The following TNIK variants were observed in gnomAD, a reference collection of about 807,000 sequenced individuals.
TNIK encodes the protein TRAF2 and NCK interacting kinase, also known as TRAF2 and NCK-interacting protein kinase.
In TNIK, 49 loss-of-function variants were observed where a neutral mutation model predicts 191.3. The ratio of observed to expected loss-of-function variants is 0.26; its 90% confidence interval spans 0.20 to 0.32. The LOEUF is 0.32. TNIK is among the 10% of genes least tolerant of loss of function. TNIK has a pLI of 1.00. For missense variants in TNIK, 1,155 were observed against 1,702.3 expected (o/e 0.68, Z 5.66); for synonymous variants, 594 against 600.9 (o/e 0.99, Z 0.17).
In TNIK at chr3:171,063,855, G is replaced by A. The variant is rs1718090935; in HGVS notation, c.*26C>T. 1.2e-6 allele frequency: 2 copies of A among 1,607,110 alleles called. No homozygotes were observed. Among genetic ancestry groups the A allele is most frequent in the Non-Finnish European group, 1.7e-6 (2 of 1,175,908 alleles). Reference sequence around the variant, plus strand: ...TCTTTTAAATTAGAAATAACGCCATGAAGATAAGTGCCAAGTGCTCTTCTG... The same window carrying A: ...TCTTTTAAATTAGAAATAACGCCATAAAGATAAGTGCCAAGTGCTCTTCTG... On this transcript the variant is annotated 3_prime_UTR_variant, in exon 33 of 33. Coordinates refer to ENST00000436636, the MANE Select transcript of TNIK (RefSeq NM_015028.4).
intron 16 of TNIK, among the ~76,000 whole-genome samples, chr3:171,128,326 G>A (rs896086926): frequency 2.6e-5 from 4 of 152,218 alleles, no homozygotes; most frequent in East Asian, 1.9e-4. Context: ...TCAGTTTCAG[G>A]CTCATGCCAA....
At chr3:171,136,750 G>T (rs1376147993) in intron 15 of TNIK, among the ~76,000 whole-genome samples, 1 of 152,220 alleles carries the variant, frequency 6.6e-6, no homozygotes, top group Non-Finnish European at 1.5e-5. Flanking sequence ...AGTAGAGGAA[G>T]GTGGTGCATG....
At chr3:171,239,952 T>A (rs1457190163) in intron 2 of TNIK, among the ~76,000 whole-genome samples, 2 of 152,118 alleles carry the variant, frequency 1.3e-5, no homozygotes, top group African/African-American at 4.8e-5. Flanking sequence ...GATGACACAC[T>A]GAGAAAGAAC....
chr3:171,312,272 C>G (rs867744201), intron 2 of TNIK, among the ~76,000 whole-genome samples: 4 of 151,686 alleles, frequency 2.6e-5, no homozygotes, highest in Non-Finnish European at 4.4e-5. Flanking sequence ...GTGAGATGAT[C>G]CATTTGCGAG....
intron 2 of TNIK, among the ~76,000 whole-genome samples, chr3:171,348,443 A>C (rs1431347460): frequency 1.3e-5 from 2 of 152,122 alleles, no homozygotes; most frequent in Non-Finnish European, 2.9e-5. Context: ...GATCTCTTGA[A>C]GAGGATGGGG....
At chr3:171,163,841 A>G (rs1367236630) in intron 10 of TNIK, among the ~76,000 whole-genome samples, 2 of 150,158 alleles carry the variant, frequency 1.3e-5, no homozygotes, top group Admixed American at 6.6e-5. Flanking sequence ...CTGCTTTTAT[A>G]TTACTGGGTT....
rs1745124487 is a variant in TNIK, at chr3:171,242,624, C to T, written c.124-14403G>A. On this transcript the variant is annotated intron_variant, in intron 2 of 32. Transcript: ENST00000436636. The stretch of plus-strand genomic sequence containing the variant: ...GGACATTAAGAAAATAAAATTGGCG[C>T]TCATATAAGCAAAATAACTGAATTG... 2.0e-5 allele frequency among the ~76,000 whole-genome samples: 3 copies of T among 151,940 alleles called. No homozygotes were observed. The South Asian group carries it at 6.2e-4, about 31-fold the overall frequency.
intron 15 of TNIK, among the ~76,000 whole-genome samples, chr3:171,137,171 G>C (rs1730143306): frequency 1.6e-5 from 2 of 124,324 alleles, no homozygotes; most frequent in African/African-American, 6.4e-5. Flanking sequence ...TTAACATTAG[G>C]ACAACATTAT....
chr3:171,187,892 C>G (rs1018212807), intron 7 of TNIK, among the ~76,000 whole-genome samples: 3 of 152,192 alleles, frequency 2.0e-5, no homozygotes, highest in Non-Finnish European at 2.9e-5. Flanking sequence ...CACAGGGTGT[C>G]TCTCTACCTA....
chr3:171,239,042 A>G (rs981182542), intron 2 of TNIK, among the ~76,000 whole-genome samples: 2 of 152,188 alleles, frequency 1.3e-5, no homozygotes, highest in East Asian at 1.9e-4. Flanking sequence ...GACTAAATGG[A>G]ATTTGGTTTA....
chr3:171,247,876 T>C (rs551961115), intron 2 of TNIK, among the ~76,000 whole-genome samples: 71 of 149,106 alleles, frequency 4.8e-4, no homozygotes, highest in African/African-American at 1.3e-3. Context: ...TCAGTTTGTA[T>C]AGAGTGAAGG....
intron 1 of TNIK, among the ~76,000 whole-genome samples, chr3:171,426,972 G>A (rs925511748): frequency 8.5e-5 from 13 of 152,164 alleles, no homozygotes; most frequent in African/African-American, 3.1e-4. Context: ...CAAGATAAGT[G>A]GAAGTGCCCA....
chr3:171,423,864 G>T (rs560371564), intron 1 of TNIK, among the ~76,000 whole-genome samples: 20 of 152,116 alleles, frequency 1.3e-4, no homozygotes, highest in South Asian at 4.2e-4. Flanking sequence ...ATGTTAGACC[G>T]AAAACCATAA....
chr3:171,458,880 T>C (rs929610137), intron 1 of TNIK, among the ~76,000 whole-genome samples: 3 of 152,072 alleles, frequency 2.0e-5, no homozygotes, highest in Admixed American at 6.5e-5. Context: ...CTTAAATTGG[T>C]GTCCAATCCT....
chr3:171,246,326 A>G (rs925663524), intron 2 of TNIK, among the ~76,000 whole-genome samples: 3 of 152,216 alleles, frequency 2.0e-5, no homozygotes, highest in Non-Finnish European at 4.4e-5. Flanking sequence ...CTTCAAAACA[A>G]AACAGATTCT....
At position 171,130,549 on chromosome 3, in the gene TNIK, C is replaced by A. The variant is rs574483392; in HGVS notation, c.1609-1671G>T. ...TTGGCTATTGCATTGAGCAAAAGAA[C>A]AAAGCCAGCTTTGAGATAAGACCAC... On this transcript the variant is annotated intron_variant, in intron 15 of 32. Coordinates refer to ENST00000436636, the MANE Select transcript of TNIK (RefSeq NM_015028.4). Among the ~76,000 whole-genome samples the A allele has an allele frequency of 1.4e-3, 209 of 152,252 alleles. 2 individuals carry two copies. The highest frequency in any genetic ancestry group is 4.8e-3 in the African/African-American group (198 of 41,556).
At chr3:171,157,415 C>T in intron 12 of TNIK, 45 bp downstream of exon 12, 1 of 1,546,422 alleles carries the variant, frequency 6.5e-7, no homozygotes, top group Non-Finnish European at 8.7e-7. Flanking sequence ...AGAGTGACCA[C>T]AACTGAGAGG....
rs990336143 is a variant in TNIK, at chr3:171,460,073, T to C, written c.-10A>G. The stretch of plus-strand genomic sequence containing the variant: ...GGGAGTCGCTCGCCATGTCTACTTC[T>C]TCGCTGGAGAAATGGACCAAAACCA... On this transcript the variant is annotated 5_prime_UTR_variant, in exon 1 of 33. Coordinates refer to ENST00000436636, the MANE Select transcript of TNIK (RefSeq NM_015028.4). This position sits in a 1 kb window ranked among gnomAD's most constrained non-coding sequence, Gnocchi z 6.8. The C allele has an allele frequency of 6.2e-7, 1 of 1,603,168 alleles. No individual in the cohort carries two copies. Among genetic ancestry groups the C allele is most frequent in the Non-Finnish European group, 8.5e-7 (1 of 1,174,784 alleles).
rs557939594 is a variant in TNIK at position 171,321,682 on chromosome 3, C to T, written c.123+47938G>A. Among the ~76,000 whole-genome samples the T allele has an allele frequency of 4.3e-4, 66 of 152,264 alleles. No homozygotes were observed. In the South Asian group the frequency reaches 0.013, roughly 31 times the overall value. On this transcript the variant is annotated intron_variant, in intron 2 of 32. Transcript: ENST00000436636. ...TACAGGAAAACAGCCTATTATGTTA[C>T]AGGCAGACAAAAAGATTTCAGATTA... is the stretch of plus-strand genomic sequence containing the variant.
Sources: allele counts gnomAD v4.1 joint callset (sites outside exome capture counted in the v4.1 genomes callset), GRCh38; gene constraint gnomAD v4.1.1; non-coding constraint Gnocchi (gnomAD v3.1); transcripts MANE v1.5; gene names NCBI Gene and HGNC (gene_info 2026-07-23, HGNC 2026-07-21).